ACSM3: variants seen among roughly 807,000 people sequenced by gnomAD.
ACSM3 encodes acyl-coenzyme A synthetase ACSM3, mitochondrial.
In ACSM3, 61 loss-of-function variants were observed where a neutral mutation model predicts 74.1. The ratio of observed to expected loss-of-function variants is 0.82; its 90% CI spans 0.67 to 1.02. The LOEUF is 1.02. Ranked by LOEUF, ACSM3 falls within the 50% of genes least tolerant of loss-of-function variation. The pLI, the probability that ACSM3 is intolerant of heterozygous loss-of-function variation, is 0.00. For missense variants in ACSM3, 660 were observed against 697.0 expected, an observed-to-expected ratio of 0.95 and a Z score of 0.60; for synonymous variants, 213 against 241.5, an observed-to-expected ratio of 0.88 and a Z score of 1.09.
chr16:20,792,751 G>A (rs2080630106), intron 12 of ACSM3: 14 of 981,878 alleles, frequency 1.4e-5, no homozygotes, highest in Non-Finnish European at 1.7e-5. Context: ...TCAGAAGTGG[G>A]AACCAGAGGC....
At chr16:20,760,043 C>T (rs2080064304), upstream of ACSM3, among the ~76,000 whole-genome samples, 2 of 152,174 alleles carry the variant, frequency 1.3e-5, no homozygotes, top group Non-Finnish European at 2.9e-5. Context: ...TATACTCTTC[C>T]CTTTTGGAGT....
chr16:20,795,662 C>T (rs2080707525), intron 12 of ACSM3, among the ~76,000 whole-genome samples: 1 of 152,190 alleles, frequency 6.6e-6, no homozygotes, highest in Non-Finnish European at 1.5e-5. Context: ...CATTCCATAG[C>T]CAGCTCCGGG....
Position 20,790,481 on chromosome 16 carries a change from C to A in ACSM3, c.1225-106C>A. ...CACACACACAAAATTTTTTTTAAGT[C>A]TTCATTTTTAAATGGCAAAAGCCAA... On this transcript the variant is annotated intron_variant, in intron 9 of 13. Transcript: ENST00000289416. The surrounding 1 kb of genome is among the most constrained non-coding windows in gnomAD (Gnocchi z 4.0). 1 of 1,169,464 alleles carries A rather than the reference C, an allele frequency of 8.6e-7. No individual in the cohort carries two copies. Among genetic ancestry groups the A allele is most frequent in the Non-Finnish European group, 1.2e-6 (1 of 823,968 alleles). 72.4% of individuals were successfully genotyped at this position (1,169,464 alleles called of 1,614,324 possible).
intron 1 of ACSM3, chr16:20,691,395 C>T (rs1368062871): frequency 1.4e-5 from 7 of 502,732 alleles, no homozygotes; most frequent in Non-Finnish European, 2.4e-5. Flanking sequence ...ATTTATCTTC[C>T]CAGCTGAGGA....
At position 20,792,035 on chromosome 16, in the gene ACSM3, G is replaced by A. The variant is rs763228128; in HGVS notation, c.1360G>A (p.Gly454Ser). The change falls in exon 11 of 14, where the codon GGC (glycine) becomes AGC (serine). Residue 454 changes from glycine to serine, a missense_variant. Transcript: ENST00000289416. The part of the protein sequence containing the change: ...NPSKTASTLR[G>S]NFYITGDRGY... Reference sequence around the variant, plus strand: ...TTCAAAAACAGCTTCAACTCTACGAGGCAATTTCTATATCACTGGGGACAG... The same window carrying A: ...TTCAAAAACAGCTTCAACTCTACGAAGCAATTTCTATATCACTGGGGACAG... 4.3e-6 allele frequency: 7 copies of A among 1,614,016 alleles called. No individual in the cohort carries two copies. In the Admixed American group the frequency reaches 1.2e-4, roughly 27 times the overall value.
At chr16:20,707,076 A>C (rs1414091332) in intron 1 of ACSM3, among the ~76,000 whole-genome samples, 3 of 152,102 alleles carry the variant, frequency 2.0e-5, no homozygotes, top group Non-Finnish European at 2.9e-5. Flanking sequence ...CCTGAATTTC[A>C]GCCCAAGGCT....
chr16:20,695,872 TA>T (rs1468031058), intron 1 of ACSM3, among the ~76,000 whole-genome samples: 3 of 152,218 alleles, frequency 2.0e-5, no homozygotes, highest in Non-Finnish European at 4.4e-5. Context: ...ACTATCTGTG[TA>T]TATCTATACA....
chr16:20,716,745 C>T (rs1263927513), intron 1 of ACSM3, among the ~76,000 whole-genome samples: 4 of 152,156 alleles, frequency 2.6e-5, no homozygotes, highest in Admixed American at 6.5e-5. Flanking sequence ...TCAGGGCCTT[C>T]GCAGCCTGCA....
At chr16:20,683,992 T>G (rs779681408) in intron 1 of ACSM3, among the ~76,000 whole-genome samples, 3 of 152,142 alleles carry the variant, frequency 2.0e-5, no homozygotes, top group Admixed American at 6.5e-5. Context: ...AATCACCTAT[T>G]TTATTTGTGA....
chr16:20,692,402 A>C (rs2079662572), intron 1 of ACSM3, among the ~76,000 whole-genome samples: 1 of 152,220 alleles, frequency 6.6e-6, no homozygotes, highest in South Asian at 2.1e-4. Context: ...AAATTTAAAC[A>C]TTTTGTGGCT....
Position 20,786,088 on chromosome 16 carries a change from G to A in ACSM3, c.1154G>A (p.Cys385Tyr), listed in dbSNP as rs759253257. The A allele has an allele frequency of 5.7e-6, 9 of 1,592,540 alleles. No homozygotes were observed. In the Admixed American group the frequency reaches 9.0e-5, roughly 16 times the overall value. The change falls in exon 9 of 14, where the codon TGT becomes TAT. Residue 385 changes from cysteine (C) to tyrosine (Y), a missense_variant. Coordinates refer to ENST00000289416, the MANE Select transcript of ACSM3 (RefSeq NM_005622.4). ...CTTCTTCTTAACTAGGTGCTAATCTGTGGAAATTTTAAGGGAATGAAAATT... is the reference window on the plus strand; with the variant it reads ...CTTCTTCTTAACTAGGTGCTAATCTATGGAAATTTTAAGGGAATGAAAATT... ...GYGQTETVLICGNFKGMKIKP... is the reference protein window; with the variant it reads ...GYGQTETVLIYGNFKGMKIKP...
chr16:20,718,300 TA>T, intron 1 of ACSM3: 1 of 517,000 alleles, frequency 1.9e-6, no homozygotes, highest in Non-Finnish European at 2.9e-6. Context: ...ATATCAGAGT[TA>T]AACTGGCCAT....
intron 1 of ACSM3, among the ~76,000 whole-genome samples, chr16:20,707,902 G>T (rs895660308): frequency 6.6e-6 from 1 of 152,092 alleles, no homozygotes; most frequent in Non-Finnish European, 1.5e-5. Context: ...GGATATCTAT[G>T]AATTGTCTGA....
intron 1 of ACSM3, chr16:20,733,537 T>C (rs1253606908): frequency 1.3e-5 from 2 of 152,108 alleles, no homozygotes; most frequent in African/African-American, 4.8e-5. Flanking sequence ...AATTTTTTAA[T>C]GTTTTTTAGG....
In ACSM3 at chr16:20,683,646, C is replaced by CTT. The variant is rs36182498; in HGVS notation, c.-190+8838_-190+8839dup. 2.3e-3 allele frequency among the ~76,000 whole-genome samples: 320 copies of CTT among 136,840 alleles called. 3 individuals carry two copies. The highest frequency in any genetic ancestry group is 6.0e-3 in the African/African-American group (218 of 36,382). 89.8% of individuals were successfully genotyped at this position (136,840 alleles called of 152,430 possible). ...TTAGCCCAGAGGGCTCAGCTCAAGT[C>CTT]TTTTTTTTTTTTTTTGAGAGTCTTG... On this transcript the variant is annotated intron_variant, in intron 1 of 3. Transcript: ENST00000561584.
At chr16:20,721,470 T>C (rs1026587126) in intron 1 of ACSM3, 30 of 152,208 alleles carry the variant, frequency 2.0e-4, no homozygotes, top group Admixed American at 1.7e-3. Flanking sequence ...AGGGTTTAGA[T>C]TGATAAATTA....
intron 2 of ACSM3, among the ~76,000 whole-genome samples, chr16:20,770,522 G>T: frequency 6.7e-6 from 1 of 149,718 alleles, no homozygotes. Flanking sequence ...TAGAATTCTA[G>T]GTTGACTTAA....
At chr16:20,794,057 A>G (rs1315726759) in intron 12 of ACSM3, among the ~76,000 whole-genome samples, 1 of 152,138 alleles carries the variant, frequency 6.6e-6, no homozygotes, top group Non-Finnish European at 1.5e-5. Flanking sequence ...AGGCTGCAGC[A>G]TTTCCTAGTA....
At chr16:20,725,955 C>T (rs529473873) in intron 1 of ACSM3, among the ~76,000 whole-genome samples, 1 of 152,080 alleles carries the variant, frequency 6.6e-6, no homozygotes, top group Admixed American at 6.5e-5. Flanking sequence ...GCCTGGGCAA[C>T]AGCGCAAGAC....
Sources: allele counts gnomAD v4.1 joint callset (sites outside exome capture counted in the v4.1 genomes callset), GRCh38; gene constraint gnomAD v4.1.1; non-coding constraint Gnocchi (gnomAD v3.1); transcripts MANE v1.5; gene names NCBI Gene and HGNC (gene_info 2026-07-23, HGNC 2026-07-21).